DIAPH2: variants seen among roughly 807,000 people sequenced by gnomAD.
DIAPH2 encodes the protein protein diaphanous homolog 2.
DIAPH2 carries 35 observed loss-of-function variants against 92.7 expected under a neutral mutation model. The ratio of observed to expected loss-of-function variants is 0.38; its 90% CI spans 0.29 to 0.50. The LOEUF (loss-of-function observed/expected upper bound fraction) is 0.50. Ranked by LOEUF, DIAPH2 falls within the 20% of genes least tolerant of loss-of-function variation. The probability of loss-of-function intolerance (pLI) is 0.94; values close to 1 mark genes in which losing one functional copy is unlikely to be tolerated. For synonymous variants in DIAPH2, 301 were observed against 280.4 expected (o/e 1.07, Z -0.73); for missense variants, 701 against 819.5 (o/e 0.86, Z 1.77).
intron 23 of DIAPH2, among the ~76,000 whole-genome samples, chrX:97,259,852 C>T (rs1030681403): frequency 1.8e-5 from 2 of 112,282 alleles, no homozygotes; most frequent in Non-Finnish European, 3.8e-5. Context: ...TTGTTTGAGA[C>T]GGAGTCTCAC....
At chrX:97,111,322 C>A (rs1185690538) in intron 20 of DIAPH2, among the ~76,000 whole-genome samples, 1 of 112,076 alleles carries the variant, frequency 8.9e-6, no homozygotes, top group Non-Finnish European at 1.9e-5. Flanking sequence ...TAAATTCAGT[C>A]TCATTTGACT....
intron 17 of DIAPH2, among the ~76,000 whole-genome samples, chrX:96,995,114 C>T (rs1222632131): frequency 1.8e-5 from 2 of 111,497 alleles, no homozygotes; most frequent in South Asian, 3.8e-4. Flanking sequence ...TAATAAATGC[C>T]GGGAGAAGAA....
intron 4 of DIAPH2, among the ~76,000 whole-genome samples, chrX:96,872,653 G>A (rs765903914): frequency 2.8e-5 from 3 of 108,876 alleles, no homozygotes; most frequent in Non-Finnish European, 3.8e-5. Context: ...CACCACGCCC[G>A]GCTAATTTTT....
At chrX:97,470,357 G>C (rs187854121) in intron 26 of DIAPH2, among the ~76,000 whole-genome samples, 1 of 111,327 alleles carries the variant, frequency 9.0e-6, no homozygotes, top group East Asian at 2.8e-4. Context: ...CATGTAATGC[G>C]TATATTTTTA....
At chrX:97,201,988 C>A (rs779330572) in intron 22 of DIAPH2, among the ~76,000 whole-genome samples, 1 of 111,745 alleles carries the variant, frequency 8.9e-6, no homozygotes, top group South Asian at 3.8e-4. Context: ...ACCCTACAAG[C>A]CAGAAAAGAG....
At chrX:97,375,162 G>A (rs1018160360) in intron 24 of DIAPH2, among the ~76,000 whole-genome samples, 8 of 111,787 alleles carry the variant, frequency 7.2e-5, no homozygotes, top group Non-Finnish European at 1.5e-4. Flanking sequence ...CAACAAAAGT[G>A]TCAATAGTAT....
chrX:97,389,235 T>C (rs754602278), intron 25 of DIAPH2, among the ~76,000 whole-genome samples: 65 of 109,489 alleles, frequency 5.9e-4, no homozygotes, highest in African/African-American at 2.0e-3. Context: ...TTGGGTGGCC[T>C]AGGCGGGTGG....
At position 97,269,745 on chromosome X, in the gene DIAPH2, A is replaced by ATTT. The variant is rs199849674; in HGVS notation, c.2844+21909_2844+21911dup. On this transcript the variant is annotated intron_variant, in intron 23 of 26. Transcript: ENST00000324765. ...ATAAAGACACAATGAAGGAGATACT[A>ATTT]TTTTTATTTTTTTTTTTTTTTTTTG... Among the ~76,000 whole-genome samples, 876 of 104,468 alleles carry ATTT rather than the reference A, an allele frequency of 8.4e-3. 19 individuals are homozygous for ATTT. Among genetic ancestry groups the ATTT allele is most frequent in the African/African-American group, 0.031 (827 of 26,757 alleles). The allele number at this position is 104,468 out of a possible 115,157, so 90.7% of individuals were successfully genotyped here. A position where few individuals can be genotyped will look rare whatever the true frequency, so the allele number is the denominator to read the frequency against.
chrX:97,078,128 G>T (rs1305315392), intron 19 of DIAPH2, among the ~76,000 whole-genome samples: 1 of 111,251 alleles, frequency 9.0e-6, no homozygotes, highest in Non-Finnish European at 1.9e-5. Flanking sequence ...TGAAACGAGC[G>T]GTTTGAAAAA....
At chrX:97,166,869 GT>G (rs1361930251) in intron 22 of DIAPH2, among the ~76,000 whole-genome samples, 1 of 111,750 alleles carries the variant, frequency 8.9e-6, no homozygotes, top group African/African-American at 3.3e-5. Flanking sequence ...TTTCTTTATA[GT>G]TTTACTGTAT....
At chrX:97,423,724 C>T (rs1450515067) in intron 25 of DIAPH2, among the ~76,000 whole-genome samples, 1 of 111,740 alleles carries the variant, frequency 8.9e-6, no homozygotes, top group Non-Finnish European at 1.9e-5. Context: ...CAGATATGCC[C>T]ATAAGTTATT....
intron 4 of DIAPH2, among the ~76,000 whole-genome samples, chrX:96,784,781 G>C (rs1268561410): frequency 1.8e-5 from 2 of 112,277 alleles, no homozygotes; most frequent in South Asian, 3.7e-4. Flanking sequence ...TGTGTTAACT[G>C]TCTAGATACT....
chrX:97,128,696 G>A (rs1184919443), intron 21 of DIAPH2, among the ~76,000 whole-genome samples: 1 of 112,213 alleles, frequency 8.9e-6, no homozygotes, highest in Non-Finnish European at 1.9e-5. Context: ...CTCCTAGCTC[G>A]AGACAACTGC....
intron 20 of DIAPH2, among the ~76,000 whole-genome samples, chrX:97,111,072 C>T (rs933991751): frequency 2.7e-5 from 3 of 111,701 alleles, no homozygotes; most frequent in Non-Finnish European, 5.6e-5. Context: ...ACAAATTTTT[C>T]GTAGCAGCCA....
At chrX:97,196,752 A>G (rs1396789456) in intron 22 of DIAPH2, among the ~76,000 whole-genome samples, 2 of 110,547 alleles carry the variant, frequency 1.8e-5, no homozygotes, top group East Asian at 5.7e-4. Context: ...CGTTTGGAAA[A>G]TGTAAATGAA....
At chrX:97,571,489 G>A (rs1419399040) in intron 26 of DIAPH2, among the ~76,000 whole-genome samples, 1 of 111,457 alleles carries the variant, frequency 9.0e-6, no homozygotes, top group Non-Finnish European at 1.9e-5. Flanking sequence ...GCAATATAAG[G>A]GGAAAAGTTG....
At chrX:96,799,331 T>G (rs780821443) in intron 4 of DIAPH2, among the ~76,000 whole-genome samples, 32 of 111,929 alleles carry the variant, frequency 2.9e-4, no homozygotes, top group Non-Finnish European at 5.4e-4. Flanking sequence ...TTCATATATT[T>G]TGTCTGATTT....
At chrX:97,353,117 C>T (rs1243333401) in intron 24 of DIAPH2, among the ~76,000 whole-genome samples, 2 of 110,151 alleles carry the variant, frequency 1.8e-5, no homozygotes, top group African/African-American at 6.5e-5. Context: ...ATGCATGTAA[C>T]AAGATTGCAC....
chrX:97,236,574 T>G (rs1013232143), intron 22 of DIAPH2, among the ~76,000 whole-genome samples: 20 of 100,267 alleles, frequency 2.0e-4, no homozygotes, highest in African/African-American at 6.2e-4. Flanking sequence ...AGATGGAGTC[T>G]CGCTCTATCG....
Sources: allele counts gnomAD v4.1 joint callset (sites outside exome capture counted in the v4.1 genomes callset), GRCh38; gene constraint gnomAD v4.1.1; transcripts MANE v1.5; gene names NCBI Gene and HGNC (gene_info 2026-07-23, HGNC 2026-07-21).